Variants in COX18 observed in about 807,000 individuals in gnomAD.
COX18 encodes the protein cytochrome c oxidase assembly protein COX18, mitochondrial.
COX18 carries 45 observed loss-of-function variants against 38.0 expected under a neutral mutation model. That is an observed-to-expected ratio of 1.18 (90% confidence interval 0.93 to 1.52). The LOEUF is 1.52. COX18 is among the 40% of genes most tolerant of loss of function. The pLI, the probability that COX18 is intolerant of heterozygous loss-of-function variation, is 0.00. For synonymous variants in COX18, 177 were observed against 169.8 expected (o/e 1.04, Z -0.33); for missense variants, 462 against 423.8 (o/e 1.09, Z -0.79).
At chr4:73,067,457 A>G (rs1577957971) in intron 2 of COX18, among the ~76,000 whole-genome samples, 1 of 152,204 alleles carries the variant, frequency 6.6e-6, no homozygotes, top group African/African-American at 2.4e-5. Context: ...CCTAAAGAAT[A>G]GGAACATACT....
intron 3 of COX18, 142 bp downstream of exon 3, chr4:73,065,108 A>G (rs1720370338): frequency 1.1e-6 from 1 of 940,378 alleles, no homozygotes; most frequent in South Asian, 1.8e-5. Context: ...GTTTACACTT[A>G]AGACTTTAAA....
chr4:73,061,963 G>A (rs974827458), intron 4 of COX18, 43 bp from the exon 5 acceptor site: 23 of 1,014,464 alleles, frequency 2.3e-5, no homozygotes, highest in East Asian at 5.0e-5. Flanking sequence ...TTATTAAAAC[G>A]CATATTAAAT....
intron 5 of COX18, among the ~76,000 whole-genome samples, chr4:73,061,460 G>A (rs903262386): frequency 2.6e-5 from 4 of 151,794 alleles, no homozygotes; most frequent in Non-Finnish European, 5.9e-5. Context: ...TGTAATCCCA[G>A]CACTTTCGGA....
intron 4 of COX18, among the ~76,000 whole-genome samples, chr4:73,063,427 G>C (rs1229326404): frequency 6.6e-6 from 1 of 152,218 alleles, no homozygotes; most frequent in Non-Finnish European, 1.5e-5. Context: ...CTTTCTCTCT[G>C]TCGCCCAGGC....
rs867066534 is a variant in COX18 at position 73,069,369 on chromosome 4, C to G, written c.281G>C (p.Arg94Pro). The G allele has an allele frequency of 1.3e-5, 20 of 1,557,532 alleles. No homozygotes were observed. Among genetic ancestry groups the G allele is most frequent in the Non-Finnish European group, 1.6e-5 (19 of 1,151,746 alleles). ...GSILLSTVAL[R>P]GAVTLPLAAY... ...TGCCAAAGGCAGCGTGACAGCACCCCGTAAGGCCACGGTGGAGAGCAGAAT... is the reference window on the plus strand; with the variant it reads ...TGCCAAAGGCAGCGTGACAGCACCCGGTAAGGCCACGGTGGAGAGCAGAAT... The change falls in exon 1 of 6, where the codon CGG (arginine) becomes CCG (proline). Residue 94 changes from arginine (R) to proline (P), a missense_variant. Physicochemically the swap from Arg to Pro is moderately radical, Grantham distance 103. Transcript: ENST00000507544.
intron 5 of COX18, among the ~76,000 whole-genome samples, chr4:73,061,527 T>C (rs1720153346): frequency 6.6e-6 from 1 of 151,530 alleles, no homozygotes; most frequent in Non-Finnish European, 1.5e-5. Flanking sequence ...GTTAATATGG[T>C]GAAACCCCGT....
chr4:73,052,604 A>G lies in COX18; in HGVS notation c.*5510T>C, dbSNP rs959138137. ...ATCCATTATTACAAGTTTAAACAAC[A>G]CTAATAAGGTTCAAATGGAAAATCT... is the stretch of plus-strand genomic sequence containing the variant. On this transcript the variant is annotated 3_prime_UTR_variant, in exon 6 of 6. Coordinates refer to ENST00000507544, the MANE Select transcript of COX18 (RefSeq NM_001297732.2). 3 of 152,200 alleles carry G rather than the reference A, an allele frequency of 2.0e-5. No individual in the cohort carries two copies. Among genetic ancestry groups the G allele is most frequent in the Non-Finnish European group, 4.4e-5 (3 of 68,032 alleles). The allele number at this position is 152,200 out of a possible 1,614,324, so 9.4% of individuals were successfully genotyped here. A position where few individuals can be genotyped will look rare whatever the true frequency, so the allele number is the denominator to read the frequency against.
intron 2 of COX18, among the ~76,000 whole-genome samples, chr4:73,066,977 A>G (rs1039725702): frequency 2.0e-5 from 3 of 152,238 alleles, no homozygotes; most frequent in Non-Finnish European, 4.4e-5. Context: ...AAAAAGGAGA[A>G]TAATTTTTCG....
intron 5 of COX18, among the ~76,000 whole-genome samples, chr4:73,061,494 G>C (rs190652651): frequency 4.1e-4 from 63 of 152,096 alleles, no homozygotes; most frequent in Admixed American, 1.2e-3. Flanking sequence ...GGATCACAAG[G>C]TCAGGAGATC....
At chr4:73,067,841 CAAAA>C (rs1553907450) in intron 2 of COX18, among the ~76,000 whole-genome samples, 184 bp downstream of exon 2, 1 of 1,998 alleles carries the variant, frequency 5.0e-4, no homozygotes, top group African/African-American at 1.1e-3. Flanking sequence ...AACTCCGTCT[CAAAA>C]AAAAAAAAAA....
Position 73,055,228 on chromosome 4 carries a change from C to T in COX18, c.*2886G>A, listed in dbSNP as rs1348408640. ...AAATTCTTTCCTCTTTTTACTATGACCTAAGCTGCACACACATTTCTGCCT... is the reference window on the plus strand; with the variant it reads ...AAATTCTTTCCTCTTTTTACTATGATCTAAGCTGCACACACATTTCTGCCT... On this transcript the variant is annotated 3_prime_UTR_variant, in exon 6 of 6. Transcript: ENST00000507544. 1 of 152,218 alleles carries T rather than the reference C, an allele frequency of 6.6e-6. No individual in the cohort carries two copies. Among genetic ancestry groups the T allele is most frequent in the Non-Finnish European group, 1.5e-5 (1 of 68,038 alleles). The allele number at this position is 152,218 out of a possible 1,614,324, so 9.4% of individuals were successfully genotyped here.
In COX18 at chr4:73,061,890, G is replaced by A. The variant is rs147471983; in HGVS notation, c.754C>T (p.Arg252Cys). Residue 252 changes from arginine to cysteine, a missense_variant, in exon 5 of 6, where the codon CGT (arginine) becomes TGT (cysteine). Coordinates refer to ENST00000507544, the MANE Select transcript of COX18 (RefSeq NM_001297732.2). ...ICALQKIGMS[R>C]FQTYITYFVR... is the part of the protein sequence containing the mutation. ...AAGTACGTAATATACGTCTGAAAAC[G>A]AGACATTCCAATTTTTTGTAGAGCA... 69 of 1,612,374 alleles carry A rather than the reference G, an allele frequency of 4.3e-5. No homozygotes were observed. Among genetic ancestry groups the A allele is most frequent in the Admixed American group, 1.7e-4 (10 of 59,856 alleles).
intron 5 of COX18, among the ~76,000 whole-genome samples, chr4:73,059,441 T>A (rs1560469836): frequency 6.6e-6 from 1 of 152,236 alleles, no homozygotes; most frequent in Admixed American, 6.5e-5. Context: ...TATGCAAGTA[T>A]GTGGTCCACA....
chr4:73,058,799 T>C (rs768859045), intron 5 of COX18, among the ~76,000 whole-genome samples: 4 of 152,198 alleles, frequency 2.6e-5, no homozygotes, highest in Non-Finnish European at 5.9e-5. Flanking sequence ...CTCAGCATTA[T>C]CTCCAAATTT....
At chr4:73,062,273 A>G (rs1249201504) in intron 4 of COX18, among the ~76,000 whole-genome samples, 3 of 151,666 alleles carry the variant, frequency 2.0e-5, no homozygotes, top group Admixed American at 2.0e-4. Context: ...TGGAAGGATC[A>G]CTCTAGTCCA....
At chr4:73,065,781 C>T (rs966767825) in intron 2 of COX18, among the ~76,000 whole-genome samples, 11 of 152,206 alleles carry the variant, frequency 7.2e-5, no homozygotes, top group Admixed American at 3.9e-4. Flanking sequence ...TCTCCACTCC[C>T]GCCAAACTTA....
At chr4:73,059,485 C>T (rs1720047259) in intron 5 of COX18, among the ~76,000 whole-genome samples, 1 of 152,136 alleles carries the variant, frequency 6.6e-6, no homozygotes, top group Admixed American at 6.5e-5. Context: ...GTTCCAAAGT[C>T]AGTCTTTAGG....
intron 5 of COX18, among the ~76,000 whole-genome samples, chr4:73,061,088 A>G (rs1008258333): frequency 6.6e-6 from 1 of 152,098 alleles, no homozygotes; most frequent in Non-Finnish European, 1.5e-5. Flanking sequence ...TTCTTTTTCT[A>G]TTTCTATAAA....
chr4:73,058,176 A>C lies in COX18; in HGVS notation c.943T>G (p.Ser315Ala). ...LCRIPSTKSD[S>A]ETPYKDIFAA... ...AATATGTCTTTATAAGGAGTTTCTG[A>C]ATCTGACTTGGTCGATGGTATTCGG... Residue 315 changes from serine (S) to alanine (A), a missense_variant, in exon 6 of 6, where the codon TCA becomes GCA. Coordinates refer to ENST00000507544, the MANE Select transcript of COX18 (RefSeq NM_001297732.2). 6.2e-7 allele frequency: 1 copy of C among 1,613,532 alleles called. No homozygotes were observed. The highest frequency in any genetic ancestry group is 1.1e-5 in the South Asian group (1 of 90,940).
Sources: gnomAD v4.1 joint callset for allele counts (sites outside exome capture counted in the v4.1 genomes callset) on GRCh38, gnomAD v4.1.1 for gene constraint, MANE v1.5 for transcripts, NCBI Gene and HGNC (gene_info 2026-07-23, HGNC 2026-07-21) for gene names.